Variants in TRIM33 observed in about 807,000 individuals in gnomAD.
TRIM33 encodes the protein E3 ubiquitin-protein ligase TRIM33.
TRIM33 carries 20 observed loss-of-function variants against 125.4 expected under a neutral mutation model. The observed-to-expected ratio is 0.16, with a 90% confidence interval of 0.11 to 0.23. The LOEUF is 0.23. Among genes scored for constraint, TRIM33 ranks in the 10% least tolerant of loss-of-function variants. TRIM33 has a pLI of 1.00. For synonymous variants in TRIM33, 564 were observed against 513.9 expected, an observed-to-expected ratio of 1.10 and a Z score of -1.32; for missense variants, 920 against 1,411.4, an observed-to-expected ratio of 0.65 and a Z score of 5.58.
chr1:114,427,768 G>A lies in TRIM33; in HGVS notation c.1282C>T (p.Leu428=), dbSNP rs776665357. The A allele has an allele frequency of 1.2e-6, 2 of 1,613,922 alleles. No individual in the cohort carries two copies. The highest frequency in any genetic ancestry group is 1.1e-5 in the South Asian group (1 of 91,078). Residue 428 remains leucine (L), a synonymous_variant, in exon 7 of 20, where the codon CTA becomes TTA. Coordinates refer to ENST00000358465, the MANE Select transcript of TRIM33 (RefSeq NM_015906.4). ...WAIASGSSTA[L]LYSKRLITFQ... ...CTCACCAGTCGCTTGCTGTATAGTAGTGCTGTGCTGCTGCCACTTGCAATT... is the reference window on the plus strand; with the variant it reads ...CTCACCAGTCGCTTGCTGTATAGTAATGCTGTGCTGCTGCCACTTGCAATT...
intron 4 of TRIM33, among the ~76,000 whole-genome samples, chr1:114,462,519 A>G (rs1650058531): frequency 6.6e-6 from 1 of 152,216 alleles, no homozygotes; most frequent in Non-Finnish European, 1.5e-5. Context: ...GAAGCTGGAG[A>G]AATTTACTGA....
Position 114,453,312 on chromosome 1 carries a change from C to T in TRIM33, c.923+9792G>A, listed in dbSNP as rs571912308. On this transcript the variant is annotated intron_variant, in intron 4 of 19. Transcript: ENST00000358465. ...CCAGGAGGCAGAGGTTGCAGTGAGC[C>T]GAGATCATGCCACTGCACTCCAGCC... Among the ~76,000 whole-genome samples, 19 of 148,088 alleles carry T rather than the reference C, an allele frequency of 1.3e-4. No individual in the cohort carries two copies. In the South Asian group the frequency reaches 1.7e-3, roughly 14 times the overall value.
intron 1 of TRIM33, among the ~76,000 whole-genome samples, chr1:114,477,294 A>C (rs1651037013): frequency 6.6e-6 from 1 of 152,152 alleles, no homozygotes; most frequent in South Asian, 2.1e-4. Flanking sequence ...TAAATATGAA[A>C]GAATCATTTA....
chr1:114,418,214 A>C (rs571996618), intron 11 of TRIM33, among the ~76,000 whole-genome samples: 2 of 152,312 alleles, frequency 1.3e-5, no homozygotes, highest in East Asian at 3.9e-4. Flanking sequence ...CTGCCACTTT[A>C]AAAACCATCA....
At chr1:114,504,653 A>G (rs1279726465) in intron 1 of TRIM33, among the ~76,000 whole-genome samples, 8 of 152,200 alleles carry the variant, frequency 5.3e-5, no homozygotes, top group Non-Finnish European at 1.0e-4. Flanking sequence ...TTTGAGAATC[A>G]CTGCTTTAAG....
At chr1:114,437,173 C>A (rs1485665305) in intron 4 of TRIM33, among the ~76,000 whole-genome samples, 1 of 152,166 alleles carries the variant, frequency 6.6e-6, no homozygotes, top group African/African-American at 2.4e-5. Context: ...CAAACACACA[C>A]TATTTTCCTA....
In TRIM33 at chr1:114,434,996, T is replaced by C. The variant is rs181171493; in HGVS notation, c.924-1263A>G. Among the ~76,000 whole-genome samples, 5 of 151,872 alleles carry C rather than the reference T, an allele frequency of 3.3e-5. No individual in the cohort carries two copies. The East Asian group carries it at 5.8e-4, about 18-fold the overall frequency. On this transcript the variant is annotated intron_variant, in intron 4 of 19. Transcript: ENST00000358465. ...ACTTCAATATGGCCAAAGAAAAATA[T>C]ACAAAAGTCAGAATATGAGACAATA...
intron 18 of TRIM33, among the ~76,000 whole-genome samples, chr1:114,398,909 A>AC (rs1426687444): frequency 9.8e-5 from 14 of 142,230 alleles, no homozygotes; most frequent in East Asian, 5.8e-4. Flanking sequence ...AAAAAAAAAA[A>AC]AAAAAACAAA....
At chr1:114,463,043 A>T in intron 4 of TRIM33, 61 bp downstream of exon 4, 1 of 1,335,082 alleles carries the variant, frequency 7.5e-7, no homozygotes, top group Admixed American at 2.6e-5. Context: ...CTTTAAGAAG[A>T]AGAATGACTT....
intron 5 of TRIM33, among the ~76,000 whole-genome samples, chr1:114,432,797 G>A (rs1023943039): frequency 6.6e-6 from 1 of 151,668 alleles, no homozygotes; most frequent in Admixed American, 6.6e-5. Context: ...AAAAAAAAAA[G>A]TTCTACCATG....
chr1:114,466,876 C>A (rs1389036046), intron 1 of TRIM33, among the ~76,000 whole-genome samples: 3 of 152,204 alleles, frequency 2.0e-5, no homozygotes, highest in Non-Finnish European at 4.4e-5. Flanking sequence ...GGATTACAGG[C>A]GTGAGCCACC....
intron 11 of TRIM33, 118 bp downstream of exon 11, chr1:114,421,318 T>C: frequency 1.0e-6 from 1 of 978,548 alleles, no homozygotes; most frequent in Non-Finnish European, 1.5e-6. Context: ...GACTTTACTC[T>C]TCAGAAATTT....
intron 15 of TRIM33, among the ~76,000 whole-genome samples, chr1:114,404,066 C>T (rs1017060374): frequency 2.6e-5 from 4 of 152,202 alleles, no homozygotes; most frequent in Non-Finnish European, 5.9e-5. Flanking sequence ...TCTATATAAA[C>T]AGATACATGG....
intron 4 of TRIM33, among the ~76,000 whole-genome samples, chr1:114,434,765 C>G (rs954514900): frequency 8.5e-5 from 13 of 152,128 alleles, no homozygotes; most frequent in Non-Finnish European, 7.3e-5. Context: ...CATACTGTGA[C>G]AAGAGATATA....
intron 6 of TRIM33, among the ~76,000 whole-genome samples, chr1:114,428,109 T>C (rs1647705097): frequency 6.6e-6 from 1 of 152,220 alleles, no homozygotes; most frequent in African/African-American, 2.4e-5. Context: ...ATATTCCACA[T>C]ATAGAAATGA....
chr1:114,397,952 CTCT>C lies in TRIM33; in HGVS notation c.3156_3158del (p.Glu1053del). On this transcript the variant is annotated inframe_deletion, in exon 19 of 20. Coordinates refer to ENST00000358465, the MANE Select transcript of TRIM33 (RefSeq NM_015906.4). ...CTGAAAAGCTTACCTTCAAATTAAT[CTCT>C]TGTGTGTCTGCATAAACTTGAACAA... 1 of 1,613,630 alleles carries C rather than the reference CTCT, an allele frequency of 6.2e-7. No homozygotes were observed. The highest frequency in any genetic ancestry group is 8.5e-7 in the Non-Finnish European group (1 of 1,179,884).
At chr1:114,463,929 C>T (rs1650142276) in intron 2 of TRIM33, among the ~76,000 whole-genome samples, 1 of 151,784 alleles carries the variant, frequency 6.6e-6, no homozygotes, top group Admixed American at 6.6e-5. Context: ...CCACCACGCC[C>T]GGCTAGTACT....
At chr1:114,440,309 C>A (rs1468511203) in intron 4 of TRIM33, among the ~76,000 whole-genome samples, 2 of 149,630 alleles carry the variant, frequency 1.3e-5, no homozygotes, top group Admixed American at 1.3e-4. Context: ...ACAGGAAATT[C>A]AATCCTTTAT....
chr1:114,443,227 C>G (rs1572060828), intron 4 of TRIM33, among the ~76,000 whole-genome samples: 1 of 151,470 alleles, frequency 6.6e-6, no homozygotes, highest in South Asian at 2.1e-4. Context: ...ACTAAAAATA[C>G]AAAAAAATTA....
Sources: allele counts gnomAD v4.1 joint callset (sites outside exome capture counted in the v4.1 genomes callset), GRCh38; gene constraint gnomAD v4.1.1; transcripts MANE v1.5; gene names NCBI Gene and HGNC (gene_info 2026-07-23, HGNC 2026-07-21).